The following LAMA2 variants were observed in gnomAD, a reference collection of about 807,000 sequenced individuals.
LAMA2 encodes the protein laminin subunit alpha-2.
LAMA2 carries 269 observed loss-of-function variants against 364.8 expected under a neutral mutation model. The observed-to-expected ratio is 0.74, with a 90% CI of 0.67 to 0.82. The LOEUF is 0.82. Among genes scored for constraint, LAMA2 ranks in the 40% least tolerant of loss-of-function variants. LAMA2 has a pLI of 0.00. For synonymous variants in LAMA2, 1,379 were observed against 1,370.6 expected, an observed-to-expected ratio of 1.01 and a Z score of -0.14; for missense variants, 3,807 against 3,873.2, an observed-to-expected ratio of 0.98 and a Z score of 0.45.
intron 54 of LAMA2, 49 bp downstream of exon 54, chr6:129,478,862 C>T (rs761668744): frequency 5.2e-6 from 8 of 1,542,834 alleles, no homozygotes; most frequent in Non-Finnish European, 7.2e-6. Flanking sequence ...TCAGATTTCA[C>T]TTACTTAGTG....
At position 129,393,115 on chromosome 6, in the gene LAMA2, G is replaced by C. The variant is rs1282262836; in HGVS notation, c.5305G>C (p.Glu1769Gln). 6.2e-7 allele frequency: 1 copy of C among 1,613,940 alleles called. No individual in the cohort carries two copies. The highest frequency in any genetic ancestry group is 8.5e-7 in the Non-Finnish European group (1 of 1,179,964). Residue 1769 changes from glutamate (E) to glutamine (Q), a missense_variant, in exon 37 of 65, where the codon GAG (glutamate) becomes CAG (glutamine). Glu to Gln is a conservative substitution (Grantham distance 29). Transcript: ENST00000421865. The part of the protein sequence containing the change: ...GESRGENEEM[E>Q]KDLREKLADY... ...GTCCCGGGGGGAAAATGAAGAAATG[G>C]AGAAGGATCTCCGGGAAAAACTGGC...
At chr6:129,497,934 A>G (rs894932284) in intron 58 of LAMA2, among the ~76,000 whole-genome samples, 1 of 152,204 alleles carries the variant, frequency 6.6e-6, no homozygotes, top group Non-Finnish European at 1.5e-5. Flanking sequence ...AGCTAGAGAA[A>G]ACATTTCTAC....
At chr6:129,206,022 C>CA (rs1243403784) in intron 12 of LAMA2, among the ~76,000 whole-genome samples, 72 of 91,108 alleles carry the variant, frequency 7.9e-4, no homozygotes, top group Middle Eastern at 0.01. Flanking sequence ...GACTCCATCT[C>CA]AAAAAAAAAA....
intron 48 of LAMA2, among the ~76,000 whole-genome samples, chr6:129,459,565 T>C (rs892975460): frequency 2.0e-5 from 3 of 152,118 alleles, no homozygotes; most frequent in Non-Finnish European, 4.4e-5. Flanking sequence ...TTGCTTACTT[T>C]TTCTTTATTC....
chr6:128,929,054 G>T (rs1172491211), intron 1 of LAMA2: 2 of 1,447,784 alleles, frequency 1.4e-6, no homozygotes, highest in African/African-American at 1.4e-5. Flanking sequence ...CTCTAGCTGT[G>T]GATAGTGGCT....
chr6:129,466,263 G>A (rs932411720), intron 51 of LAMA2, among the ~76,000 whole-genome samples: 1 of 151,920 alleles, frequency 6.6e-6, no homozygotes, highest in Non-Finnish European at 1.5e-5. Flanking sequence ...TGCTGTGATA[G>A]AGATGTATGT....
intron 32 of LAMA2, among the ~76,000 whole-genome samples, chr6:129,362,604 C>A (rs2114612122): frequency 6.6e-6 from 1 of 152,316 alleles, no homozygotes; most frequent in South Asian, 2.1e-4. Context: ...GTGTACAAGA[C>A]CCTTTCCTAG....
At position 129,227,160 on chromosome 6, in the gene LAMA2, G is replaced by A. The variant is rs1009111479; in HGVS notation, c.1783-22952G>A. Among the ~76,000 whole-genome samples, 6 of 152,052 alleles carry A rather than the reference G, an allele frequency of 3.9e-5. No individual in the cohort carries two copies. In the South Asian group the frequency reaches 6.2e-4, roughly 16 times the overall value. ...CTTGTGCATTTGTCAGGTACTTCTCGTGCCATAGTTTTCAGCTCCATCAGG... is the reference window on the plus strand; with the variant it reads ...CTTGTGCATTTGTCAGGTACTTCTCATGCCATAGTTTTCAGCTCCATCAGG... On this transcript the variant is annotated intron_variant, in intron 12 of 64. Coordinates refer to ENST00000421865, the MANE Select transcript of LAMA2 (RefSeq NM_000426.4).
intron 1 of LAMA2, among the ~76,000 whole-genome samples, chr6:129,007,256 G>C (rs1284994769): frequency 6.6e-6 from 1 of 152,080 alleles, no homozygotes; most frequent in Non-Finnish European, 1.5e-5. Flanking sequence ...GGAGAGAGGG[G>C]AAATATGAGA....
chr6:128,951,066 A>G lies in LAMA2; in HGVS notation c.112+67709A>G, dbSNP rs550356260. ...TCTAGTCACATAATATTTGAGAGTC[A>G]GCAAATTCTTTCAACAATAATGTGA... On this transcript the variant is annotated intron_variant, in intron 1 of 64. Coordinates refer to ENST00000421865, the MANE Select transcript of LAMA2 (RefSeq NM_000426.4). 3.1e-3 allele frequency among the ~76,000 whole-genome samples: 472 copies of G among 152,268 alleles called. 1 individual carries two copies. Among genetic ancestry groups the G allele is most frequent in the African/African-American group, 9.6e-3 (398 of 41,562 alleles).
At chr6:129,207,783 C>A (rs113173162) in intron 12 of LAMA2, among the ~76,000 whole-genome samples, 1 of 143,764 alleles carries the variant, frequency 7.0e-6, no homozygotes, top group Admixed American at 6.6e-5. Context: ...CAAAAATACC[C>A]CTGAGAAAAA....
rs1787069635 is a variant in LAMA2, at chr6:129,516,285, G to C, written c.9307G>C (p.Val3103Leu). 6.2e-7 allele frequency: 1 copy of C among 1,613,980 alleles called. No individual in the cohort carries two copies. Among genetic ancestry groups the C allele is most frequent in the Admixed American group, 1.7e-5 (1 of 59,986 alleles). Residue 3103 changes from valine (V) to leucine (L), a missense_variant, in exon 65 of 65, where the codon GTT becomes CTT. By Grantham distance (32) the Val-to-Leu change is conservative. Coordinates refer to ENST00000421865, the MANE Select transcript of LAMA2 (RefSeq NM_000426.4). ...CAAAGGCACAGGCAAGCCACTGGAG[G>C]TTAATTTTGCCAAGGCCCTGGAACT... Reference protein sequence around the residue: ...LTKGTGKPLEVNFAKALELRG... With the variant: ...LTKGTGKPLELNFAKALELRG...
At chr6:129,184,704 C>T (rs1242183605) in intron 10 of LAMA2, among the ~76,000 whole-genome samples, 1 of 151,836 alleles carries the variant, frequency 6.6e-6, no homozygotes, top group African/African-American at 2.4e-5. Context: ...TTCCTTGGCA[C>T]TGAATCCCTA....
intron 10 of LAMA2, among the ~76,000 whole-genome samples, chr6:129,189,953 T>G (rs1583214968): frequency 6.6e-6 from 1 of 152,154 alleles, no homozygotes; most frequent in Non-Finnish European, 1.5e-5. Context: ...TCAACCTACA[T>G]GAAGATCAAC....
At chr6:129,462,750 G>T (rs1250199058) in intron 49 of LAMA2, among the ~76,000 whole-genome samples, 3 of 151,698 alleles carry the variant, frequency 2.0e-5, no homozygotes, top group African/African-American at 4.8e-5. Flanking sequence ...GTGTTTGTTT[G>T]TTTGTTTGTT....
In LAMA2 at chr6:129,098,162, T is replaced by C. The variant is rs992227808; in HGVS notation, c.397-11T>C. 3 of 1,613,946 alleles carry C rather than the reference T, an allele frequency of 1.9e-6. No individual in the cohort carries two copies. The highest frequency in any genetic ancestry group is 2.2e-5 in the South Asian group (2 of 91,072). ...GAATTCAATGTTATTGTTGTTGTTATACTTCCCTAGGTGTTCCAGATCGCG... is the reference window on the plus strand; with the variant it reads ...GAATTCAATGTTATTGTTGTTGTTACACTTCCCTAGGTGTTCCAGATCGCG... On this transcript the variant is annotated splice_polypyrimidine_tract_variant and intron_variant, in intron 3 of 64. Transcript: ENST00000421865.
intron 1 of LAMA2, among the ~76,000 whole-genome samples, chr6:128,927,075 T>G (rs1779147792): frequency 6.6e-6 from 1 of 152,200 alleles, no homozygotes; most frequent in Admixed American, 6.5e-5. Context: ...GGACTGAGAA[T>G]GATCGATGGC....
At chr6:129,311,655 AT>A (rs1241789150) in intron 22 of LAMA2, among the ~76,000 whole-genome samples, 1 of 152,236 alleles carries the variant, frequency 6.6e-6, no homozygotes, top group East Asian at 1.9e-4. Context: ...CCTAAATGAC[AT>A]TTTAGAAATT....
intron 1 of LAMA2, among the ~76,000 whole-genome samples, chr6:129,035,061 T>C (rs1786518424): frequency 6.6e-6 from 1 of 152,054 alleles, no homozygotes; most frequent in African/African-American, 2.4e-5. Flanking sequence ...ACTCTCCATA[T>C]TGATTTCCAT....
Sources: allele counts gnomAD v4.1 joint callset (sites outside exome capture counted in the v4.1 genomes callset), GRCh38; gene constraint gnomAD v4.1.1; transcripts MANE v1.5; gene names NCBI Gene and HGNC (gene_info 2026-07-23, HGNC 2026-07-21).